The following SGK3 variants were observed in gnomAD, a reference collection of about 807,000 sequenced individuals.
The protein encoded by SGK3 is serum/glucocorticoid regulated kinase family member 3.
In SGK3, 47 loss-of-function variants were observed where a neutral mutation model predicts 68.5. The observed-to-expected ratio is 0.69, with a 90% CI of 0.54 to 0.87. The LOEUF (loss-of-function observed/expected upper bound fraction) is 0.87, where lower values mean the gene tolerates loss of function less well. SGK3 is among the 40% of genes least tolerant of loss of function. SGK3 has a pLI of 0.00. For synonymous variants in SGK3, 181 were observed against 189.1 expected, an observed-to-expected ratio of 0.96 and a Z score of 0.35; for missense variants, 479 against 575.5, an observed-to-expected ratio of 0.83 and a Z score of 1.72.
chr8:66,829,865 G>A (rs981675626), intron 7 of SGK3, among the ~76,000 whole-genome samples: 1 of 150,108 alleles, frequency 6.7e-6, no homozygotes, highest in Non-Finnish European at 1.5e-5. Context: ...CACAAAAAAT[G>A]GATTTTTTTT....
At chr8:66,822,162 T>C (rs867003789) in intron 5 of SGK3, among the ~76,000 whole-genome samples, 1 of 152,102 alleles carries the variant, frequency 6.6e-6, no homozygotes, top group Non-Finnish European at 1.5e-5. Flanking sequence ...ACTGCCTGTT[T>C]ATATGTTTGC....
At chr8:66,767,810 T>A (rs958499051) in intron 1 of SGK3, 3 of 1,550,566 alleles carry the variant, frequency 1.9e-6, no homozygotes, top group Non-Finnish European at 1.8e-6. Context: ...CTGTTGACAG[T>A]TCCCAAAGCC....
chr8:66,836,753 T>G (rs1248000127), intron 10 of SGK3, among the ~76,000 whole-genome samples: 1 of 151,068 alleles, frequency 6.6e-6, no homozygotes, highest in Non-Finnish European at 1.5e-5. Flanking sequence ...AATTCTGCCT[T>G]AAACAAAGTC....
chr8:66,784,475 G>A (rs957311347), intron 1 of SGK3, among the ~76,000 whole-genome samples: 1 of 152,128 alleles, frequency 6.6e-6, no homozygotes, highest in East Asian at 1.9e-4. Flanking sequence ...TCTAATCTGA[G>A]TAGGGTCCTC....
intron 16 of SGK3, among the ~76,000 whole-genome samples, chr8:66,854,885 A>G (rs1451764577): frequency 1.3e-5 from 2 of 152,140 alleles, no homozygotes; most frequent in South Asian, 2.1e-4. Context: ...ACAGTGGCTC[A>G]TACCTGTAAT....
chr8:66,834,445 G>C (rs1304037770), intron 8 of SGK3, among the ~76,000 whole-genome samples: 1 of 151,894 alleles, frequency 6.6e-6, no homozygotes, highest in Non-Finnish European at 1.5e-5. Flanking sequence ...GCAAAAGAGA[G>C]GCTTTAGGCT....
chr8:66,827,769 G>T (rs1809123788), intron 6 of SGK3, among the ~76,000 whole-genome samples: 1 of 152,114 alleles, frequency 6.6e-6, no homozygotes, highest in Non-Finnish European at 1.5e-5. Flanking sequence ...TAAGCTTACT[G>T]TGTTAACTGT....
At chr8:66,814,812 A>C (rs1459458767) in intron 5 of SGK3, among the ~76,000 whole-genome samples, 1 of 152,206 alleles carries the variant, frequency 6.6e-6, no homozygotes, top group Non-Finnish European at 1.5e-5. Flanking sequence ...AATACCTACA[A>C]AAACATTGGT....
intron 1 of SGK3, among the ~76,000 whole-genome samples, chr8:66,726,082 A>G (rs566434259): frequency 8.0e-4 from 122 of 152,292 alleles, no homozygotes; most frequent in Non-Finnish European, 1.4e-3. Context: ...GTACACGCTA[A>G]GCCAAATATT....
chr8:66,745,735 G>A (rs981300889), intron 1 of SGK3, among the ~76,000 whole-genome samples: 1 of 152,186 alleles, frequency 6.6e-6, no homozygotes, highest in Non-Finnish European at 1.5e-5. Flanking sequence ...CAGTTCTGGA[G>A]GCTGGGAAGT....
chr8:66,742,751 GCTGGCATACCA>G (rs1242521036), intron 1 of SGK3, among the ~76,000 whole-genome samples: 4 of 152,156 alleles, frequency 2.6e-5, no homozygotes. Flanking sequence ...ACTGCAGTTT[GCTGGCATACCA>G]CTGCCCCACA....
chr8:66,854,408 G>A (rs920777465), intron 16 of SGK3, among the ~76,000 whole-genome samples: 5 of 152,070 alleles, frequency 3.3e-5, no homozygotes. Flanking sequence ...TAAAAGTATG[G>A]CATAGTCCTG....
At chr8:66,766,525 T>TATAAATAA (rs537110238) in intron 1 of SGK3, among the ~76,000 whole-genome samples, 5 of 151,986 alleles carry the variant, frequency 3.3e-5, no homozygotes, top group African/African-American at 1.2e-4. Flanking sequence ...TGTCTCAAAA[T>TATAAATAA]ATAAATAAAT....
At chr8:66,791,710 T>G (rs922986072) in intron 1 of SGK3, among the ~76,000 whole-genome samples, 1 of 152,158 alleles carries the variant, frequency 6.6e-6, no homozygotes, top group Non-Finnish European at 1.5e-5. Flanking sequence ...GGGAGAGGTG[T>G]GGAAAGTGTA....
chr8:66,717,183 C>T (rs1412231879), intron 1 of SGK3, among the ~76,000 whole-genome samples: 4 of 122,740 alleles, frequency 3.3e-5, no homozygotes, highest in Non-Finnish European at 5.0e-5. Context: ...CTAGCCTGGG[C>T]AACAAGAGTG....
intron 1 of SGK3, among the ~76,000 whole-genome samples, chr8:66,779,946 A>G (rs1384728201): frequency 1.3e-5 from 2 of 152,066 alleles, no homozygotes; most frequent in Non-Finnish European, 2.9e-5. Flanking sequence ...ATCACACTGC[A>G]TAAGCATCTG....
intron 6 of SGK3, among the ~76,000 whole-genome samples, chr8:66,826,640 A>G (rs550895647): frequency 6.6e-6 from 1 of 151,892 alleles, no homozygotes; most frequent in Non-Finnish European, 1.5e-5. Flanking sequence ...AAACTTCTTT[A>G]TTTTATTTTA....
At chr8:66,727,222 C>T (rs1341885687) in intron 1 of SGK3, among the ~76,000 whole-genome samples, 1 of 152,086 alleles carries the variant, frequency 6.6e-6, no homozygotes, top group African/African-American at 2.4e-5. Flanking sequence ...CCACCTAAGC[C>T]TCCGGAGTAG....
chr8:66,828,193 A>G (rs1347690949), intron 6 of SGK3, among the ~76,000 whole-genome samples: 1 of 152,140 alleles, frequency 6.6e-6, no homozygotes, highest in Non-Finnish European at 1.5e-5. Context: ...GTATTTACCT[A>G]CCATCAAATT....
Sources: gnomAD v4.1 joint callset for allele counts (sites outside exome capture counted in the v4.1 genomes callset) on GRCh38, gnomAD v4.1.1 for gene constraint, MANE v1.5 for transcripts, NCBI Gene and HGNC (gene_info 2026-07-23, HGNC 2026-07-21) for gene names.